The following CLASP1 variants were observed in gnomAD, a reference collection of about 807,000 sequenced individuals.
CLASP1 encodes CLIP-associating protein 1.
Under a neutral mutation model 192.3 loss-of-function variants are expected in CLASP1, and 38 were observed. The observed-to-expected ratio is 0.20, with a 90% CI of 0.15 to 0.26. CLASP1 has a LOEUF of 0.26. Ranked by LOEUF, CLASP1 falls within the 10% of genes least tolerant of loss-of-function variation. The pLI, the probability that CLASP1 is intolerant of heterozygous loss-of-function variation, is 1.00. For missense variants in CLASP1, 1,433 were observed against 1,932.5 expected (o/e 0.74, Z 4.85); for synonymous variants, 691 against 712.8 (o/e 0.97, Z 0.49).
intron 37 of CLASP1, among the ~76,000 whole-genome samples, chr2:121,358,200 G>T (rs2065766356): frequency 6.6e-6 from 1 of 152,174 alleles, no homozygotes; most frequent in South Asian, 2.1e-4. Context: ...CAAAGGAAAT[G>T]GGGCTTCTGG....
At chr2:121,362,766 G>A (rs1177435246) in intron 37 of CLASP1, among the ~76,000 whole-genome samples, 2 of 152,226 alleles carry the variant, frequency 1.3e-5, no homozygotes, top group African/African-American at 2.4e-5. Flanking sequence ...CACTTATCTG[G>A]AGCAAGAAGG....
intron 9 of CLASP1, among the ~76,000 whole-genome samples, chr2:121,465,454 A>G (rs2089345919): frequency 6.6e-6 from 1 of 152,230 alleles, no homozygotes; most frequent in Non-Finnish European, 1.5e-5. Context: ...CTAGGAATCC[A>G]ACTTAAAAGG....
intron 30 of CLASP1, among the ~76,000 whole-genome samples, chr2:121,396,124 T>C (rs1199798955): frequency 6.6e-6 from 1 of 152,196 alleles, no homozygotes; most frequent in Admixed American, 6.5e-5. Flanking sequence ...TGATTTTAAT[T>C]GCAGCCAGGA....
intron 34 of CLASP1, among the ~76,000 whole-genome samples, chr2:121,376,526 T>TGGGGGGGGGGGGGAGGGGG (rs61313144): frequency 9.5e-6 from 1 of 105,134 alleles, no homozygotes. Flanking sequence ...TGGGAAGGGG[T>TGGGGGGGGGGGGGAGGGGG]GGGGGGGGGG....
rs112947721 is a variant in CLASP1, at chr2:121,642,712, T to C, written c.-286+6660A>G. On this transcript the variant is annotated intron_variant, in intron 1 of 39. Transcript: ENST00000263710. ...GCGCCACTTCACTCCAGCCTGGGCGTCAGAGTGAGACCCTGTCCCAAAAAA... is the reference window on the plus strand; with the variant it reads ...GCGCCACTTCACTCCAGCCTGGGCGCCAGAGTGAGACCCTGTCCCAAAAAA... Among the ~76,000 whole-genome samples the C allele has an allele frequency of 2.3e-3, 346 of 152,202 alleles. 1 individual carries two copies. The highest frequency in any genetic ancestry group is 8.0e-3 in the African/African-American group (334 of 41,528).
chr2:121,447,381 A>C, exon 19 of CLASP1: 1 of 1,586,550 alleles, frequency 6.3e-7, no homozygotes, highest in Non-Finnish European at 8.6e-7. Context: ...TGCAGAGCTG[A>C]AAGGCGTCGT....
chr2:121,409,551 C>T (rs1442464014), intron 24 of CLASP1, among the ~76,000 whole-genome samples: 1 of 152,196 alleles, frequency 6.6e-6, no homozygotes, highest in Non-Finnish European at 1.5e-5. Flanking sequence ...CTCAAACTCT[C>T]AAGTCCTATT....
intron 2 of CLASP1, among the ~76,000 whole-genome samples, chr2:121,582,891 T>C (rs1208101337): frequency 6.6e-6 from 1 of 151,774 alleles, no homozygotes; most frequent in African/African-American, 2.4e-5. Flanking sequence ...TTCAAAGCAA[T>C]GCTCTTGCCT....
chr2:121,479,766 CT>C lies in CLASP1; in HGVS notation c.713-9807del, dbSNP rs556331139. On this transcript the variant is annotated intron_variant, in intron 8 of 39. Coordinates refer to ENST00000263710, the Ensembl canonical transcript of CLASP1. ...TGTTATTAGGGCCGGTTCTACCACT[CT>C]GTACAAAAAATCTTCCAATATCCAT... Among the ~76,000 whole-genome samples, 291 of 152,290 alleles carry C rather than the reference CT, an allele frequency of 1.9e-3. 5 individuals are homozygous for C. The South Asian group carries it at 0.026, about 14-fold the overall frequency.
chr2:121,402,469 A>T (rs946916696), intron 26 of CLASP1: 1 of 436,014 alleles, frequency 2.3e-6, no homozygotes, highest in Non-Finnish European at 4.5e-6. Flanking sequence ...TTTCTAGCAC[A>T]GCAACTATTC....
chr2:121,447,183 G>A (rs374406014), intron 19 of CLASP1, among the ~76,000 whole-genome samples, 154 bp downstream of exon 19: 2 of 152,196 alleles, frequency 1.3e-5, no homozygotes, highest in South Asian at 2.1e-4. Context: ...GTGGCTGGCT[G>A]ATCAGCAGCA....
At position 121,382,199 on chromosome 2, in the gene CLASP1, G is replaced by A. The variant is rs1344788345; in HGVS notation, c.3491+9C>T. ...ACACCTCAGACAAGTTTGACAGGTA[G>A]CTTGTTACCTGGGAGAGTAAGAGCG... On this transcript the variant is annotated intron_variant, in intron 33 of 39. Coordinates refer to ENST00000263710, the Ensembl canonical transcript of CLASP1. The A allele has an allele frequency of 6.3e-7, 1 of 1,586,326 alleles. No individual in the cohort carries two copies. The highest frequency in any genetic ancestry group is 1.7e-5 in the Admixed American group (1 of 58,114).
chr2:121,500,344 A>AAAAGAAAG (rs201022141), intron 8 of CLASP1, among the ~76,000 whole-genome samples: 5,088 of 119,224 alleles, frequency 0.043, 155 homozygotes, highest in East Asian at 0.11. Context: ...GAAAGAAAGA[A>AAAAGAAAG]AAAGAAAGAA....
At chr2:121,635,810 A>G (rs2070735939) in intron 1 of CLASP1, among the ~76,000 whole-genome samples, 1 of 152,266 alleles carries the variant, frequency 6.6e-6, no homozygotes, top group Non-Finnish European at 1.5e-5. Context: ...AGCATTTGTC[A>G]AAAATGAAAA....
At chr2:121,448,129 T>TCAGGG in intron 18 of CLASP1, 147 bp downstream of exon 18, 1 of 664,854 alleles carries the variant, frequency 1.5e-6, no homozygotes, top group Non-Finnish European at 2.6e-6. Context: ...TGCTGGAGAG[T>TCAGGG]CAGGGCAGGG....
At chr2:121,580,447 T>G (rs1390997191) in intron 2 of CLASP1, among the ~76,000 whole-genome samples, 1 of 152,208 alleles carries the variant, frequency 6.6e-6, no homozygotes, top group Non-Finnish European at 1.5e-5. Context: ...ATCTATAATT[T>G]TATCAATTAG....
At chr2:121,367,698 G>T (rs755786834) in exon 35 of CLASP1, 3 of 1,613,984 alleles carry the variant, frequency 1.9e-6, no homozygotes, top group Non-Finnish European at 2.5e-6. Context: ...TCGCGCCCGC[G>T]GCCCCGGGAA....
chr2:121,605,873 C>T (rs766102115), exon 2 of CLASP1: 1 of 1,613,802 alleles, frequency 6.2e-7, no homozygotes, highest in Non-Finnish European at 8.5e-7. Context: ...CTGCGCCAGG[C>T]AGGACTCCAT....
At chr2:121,605,344 T>C (rs1168895180) in intron 2 of CLASP1, among the ~76,000 whole-genome samples, 3 of 152,184 alleles carry the variant, frequency 2.0e-5, no homozygotes, top group African/African-American at 7.2e-5. Context: ...ACATTTGTTA[T>C]TTATAAAGGG....
Sources: gnomAD v4.1 joint callset for allele counts (sites outside exome capture counted in the v4.1 genomes callset) on GRCh38, gnomAD v4.1.1 for gene constraint, MANE v1.5 for transcripts, NCBI Gene and HGNC (gene_info 2026-07-23, HGNC 2026-07-21) for gene names.